The following DCC variants were observed in gnomAD, a reference collection of about 807,000 sequenced individuals.
DCC encodes the protein netrin receptor DCC.
Under a neutral mutation model 172.5 loss-of-function variants are expected in DCC, and 58 were observed. That is an observed-to-expected ratio of 0.34 (90% CI 0.27 to 0.42). DCC has a LOEUF of 0.42. Ranked by LOEUF, DCC falls within the 10% of genes least tolerant of loss-of-function variation. The pLI is 1.00. For synonymous variants in DCC, 709 were observed against 644.5 expected (o/e 1.10, Z -1.52); for missense variants, 1,740 against 1,791.0 (o/e 0.97, Z 0.51).
intron 1 of DCC, among the ~76,000 whole-genome samples, chr18:52,710,959 G>T (rs1341495634): frequency 1.3e-5 from 2 of 152,214 alleles, no homozygotes; most frequent in African/African-American, 4.8e-5. Flanking sequence ...AAGGCTTACA[G>T]AGGAGAGAGT....
chr18:52,803,995 G>A (rs530591185), intron 2 of DCC, among the ~76,000 whole-genome samples: 12 of 152,114 alleles, frequency 7.9e-5, no homozygotes, highest in Non-Finnish European at 1.5e-4. Flanking sequence ...GTGGTGGTGC[G>A]AAGGCTGCAC....
chr18:53,483,701 TTTTATG>T (rs2045865087), intron 25 of DCC, among the ~76,000 whole-genome samples: 1 of 151,910 alleles, frequency 6.6e-6, no homozygotes, highest in Admixed American at 6.6e-5. Flanking sequence ...CAAAATTTTA[TTTTATG>T]TTTGTATTTC....
At chr18:52,564,859 A>C (rs921362770) in intron 1 of DCC, among the ~76,000 whole-genome samples, 2 of 152,018 alleles carry the variant, frequency 1.3e-5, no homozygotes. Flanking sequence ...TCTGTACATG[A>C]GCGCAGATTG....
chr18:53,380,174 G>T (rs1409201643), intron 15 of DCC, among the ~76,000 whole-genome samples: 1 of 152,120 alleles, frequency 6.6e-6, no homozygotes, highest in Non-Finnish European at 1.5e-5. Flanking sequence ...CTTCTGTAGA[G>T]GGAGCAATTC....
chr18:52,994,590 G>A (rs539670005), intron 5 of DCC, among the ~76,000 whole-genome samples: 2 of 152,238 alleles, frequency 1.3e-5, no homozygotes, highest in East Asian at 3.9e-4. Context: ...GGTGATAGAT[G>A]TAGCTTTTGC....
chr18:52,437,780 T>C (rs533300724), intron 1 of DCC, among the ~76,000 whole-genome samples: 6 of 152,312 alleles, frequency 3.9e-5, no homozygotes, highest in African/African-American at 1.4e-4. Flanking sequence ...CTTGGCTATA[T>C]GGAACAGGAA....
chr18:53,514,863 C>T (rs1274437503), intron 27 of DCC, among the ~76,000 whole-genome samples: 2 of 151,834 alleles, frequency 1.3e-5, no homozygotes, highest in African/African-American at 4.9e-5. Flanking sequence ...CGAATTCTAC[C>T]AGAGGTACAA....
At chr18:53,032,704 A>G (rs2042042195) in intron 5 of DCC, among the ~76,000 whole-genome samples, 1 of 152,166 alleles carries the variant, frequency 6.6e-6, no homozygotes, top group South Asian at 2.1e-4. Context: ...ATGAAGAGCT[A>G]GTATACTCTG....
chr18:52,776,529 A>C (rs1470495547), intron 2 of DCC, among the ~76,000 whole-genome samples: 1 of 152,128 alleles, frequency 6.6e-6, no homozygotes, highest in Non-Finnish European at 1.5e-5. Flanking sequence ...GAAAAGATTA[A>C]ATGGAGGGGA....
At chr18:52,905,413 A>G (rs1051111892) in intron 2 of DCC, among the ~76,000 whole-genome samples, 3 of 152,174 alleles carry the variant, frequency 2.0e-5, no homozygotes, top group African/African-American at 7.2e-5. Context: ...AACACAAGCT[A>G]TCCTAATTCC....
chr18:52,530,632 G>C (rs948710919), intron 1 of DCC, among the ~76,000 whole-genome samples: 1 of 152,044 alleles, frequency 6.6e-6, no homozygotes, highest in African/African-American at 2.4e-5. Flanking sequence ...TGTACTTCAA[G>C]AATTAAAAAT....
chr18:52,372,818 C>A (rs1351315713), intron 1 of DCC, among the ~76,000 whole-genome samples: 1 of 152,120 alleles, frequency 6.6e-6, no homozygotes, highest in Non-Finnish European at 1.5e-5. Flanking sequence ...GATTTGTATA[C>A]CTCGGGGCAG....
chr18:53,041,110 G>A (rs1013092168), intron 5 of DCC, among the ~76,000 whole-genome samples: 6 of 150,866 alleles, frequency 4.0e-5, no homozygotes, highest in South Asian at 4.2e-4. Flanking sequence ...GTCTTTGCCC[G>A]TGCCTAGGTT....
At chr18:52,361,354 T>C (rs1043198629) in intron 1 of DCC, among the ~76,000 whole-genome samples, 1 of 152,220 alleles carries the variant, frequency 6.6e-6, no homozygotes, top group Non-Finnish European at 1.5e-5. Flanking sequence ...TAATGTTTAT[T>C]TTTGCATTGC....
chr18:52,878,065 C>T (rs979905047), intron 2 of DCC, among the ~76,000 whole-genome samples: 4 of 152,078 alleles, frequency 2.6e-5, no homozygotes, highest in Non-Finnish European at 5.9e-5. Flanking sequence ...TTCCTCCTCC[C>T]TCCCCAAAAC....
intron 12 of DCC, among the ~76,000 whole-genome samples, chr18:53,241,904 T>C (rs2056300200): frequency 6.6e-6 from 1 of 152,162 alleles, no homozygotes; most frequent in Non-Finnish European, 1.5e-5. Context: ...GGTAGTCCTA[T>C]AGATCTCCAG....
At chr18:52,796,061 C>CTTTTTT (rs10634818) in intron 2 of DCC, among the ~76,000 whole-genome samples, 2 of 143,122 alleles carry the variant, frequency 1.4e-5, no homozygotes, top group African/African-American at 5.1e-5. Context: ...GGTACAGTTA[C>CTTTTTT]TTTTTTTTTT....
intron 2 of DCC, among the ~76,000 whole-genome samples, chr18:52,896,871 G>A (rs2039738578): frequency 4.2e-5 from 2 of 47,696 alleles, no homozygotes; most frequent in South Asian, 9.3e-4. Flanking sequence ...ATCCAGTTCT[G>A]GATTTACTGG....
At chr18:52,945,236 A>C (rs1025791550) in intron 5 of DCC, among the ~76,000 whole-genome samples, 1 of 152,202 alleles carries the variant, frequency 6.6e-6, no homozygotes, top group African/African-American at 2.4e-5. Flanking sequence ...ACAAGAAAAA[A>C]TACCTTTCTA....
Sources: allele counts gnomAD v4.1 joint callset (sites outside exome capture counted in the v4.1 genomes callset), GRCh38; gene constraint gnomAD v4.1.1; transcripts MANE v1.5; gene names NCBI Gene and HGNC (gene_info 2026-07-23, HGNC 2026-07-21).